TRERF1: variants seen among roughly 807,000 people sequenced by gnomAD.
The protein encoded by TRERF1 is transcriptional regulating factor 1.
A neutral mutation model predicts 122.9 loss-of-function variants in TRERF1; 27 were observed. That is an observed-to-expected ratio of 0.22 (90% CI 0.16 to 0.30). TRERF1 has a LOEUF of 0.30. Among genes scored for constraint, TRERF1 ranks in the 10% least tolerant of loss-of-function variants. The probability of loss-of-function intolerance (pLI) is 1.00; values close to 1 mark genes in which losing one functional copy is unlikely to be tolerated. For synonymous variants in TRERF1, 636 were observed against 641.7 expected (o/e 0.99, Z 0.13); for missense variants, 1,248 against 1,560.3 (o/e 0.80, Z 3.37).
At chr6:42,316,814 G>A (rs1451878549) in intron 3 of TRERF1, among the ~76,000 whole-genome samples, 1 of 152,106 alleles carries the variant, frequency 6.6e-6, no homozygotes, top group East Asian at 1.9e-4. Flanking sequence ...AGGATAACCA[G>A]CCATTCCCCT....
chr6:42,344,505 C>T (rs919321349), intron 3 of TRERF1, among the ~76,000 whole-genome samples: 1 of 152,142 alleles, frequency 6.6e-6, no homozygotes. Flanking sequence ...GCTTTGGAAA[C>T]TGTAATATGG....
chr6:42,409,711 C>T (rs1234890382), intron 2 of TRERF1, among the ~76,000 whole-genome samples: 1 of 152,124 alleles, frequency 6.6e-6, no homozygotes, highest in African/African-American at 2.4e-5. Context: ...TCTCTTTGTT[C>T]CTATATTGTT....
rs557589975 is a variant in TRERF1 at position 42,252,203 on chromosome 6, C to T, written c.2656+2648G>A. ...AGCCATTAGATCTGGGCAAGTTGCC[C>T]ACCACGTCGGCCCTTCCCCCATAGC... On this transcript the variant is annotated intron_variant, in intron 13 of 17. Coordinates refer to ENST00000372922, the Ensembl canonical transcript of TRERF1. Among the ~76,000 whole-genome samples, 8 of 152,374 alleles carry T rather than the reference C, an allele frequency of 5.3e-5. No homozygotes were observed. In the South Asian group the frequency reaches 8.3e-4, roughly 16 times the overall value.
intron 3 of TRERF1, among the ~76,000 whole-genome samples, chr6:42,345,494 A>T (rs1039097223): frequency 2.0e-5 from 3 of 152,244 alleles, no homozygotes; most frequent in Non-Finnish European, 2.9e-5. Context: ...ACACAGGCCT[A>T]GGACTCAGCA....
At chr6:42,255,915 G>A (rs1280513428) in intron 12 of TRERF1, among the ~76,000 whole-genome samples, 2 of 152,026 alleles carry the variant, frequency 1.3e-5, no homozygotes, top group Non-Finnish European at 2.9e-5. Flanking sequence ...AGGATCACCT[G>A]AGGTCAGGAG....
At chr6:42,233,114 A>G (rs113695211) in intron 16 of TRERF1, among the ~76,000 whole-genome samples, 186 bp from the exon 17 acceptor site, 43 of 152,084 alleles carry the variant, frequency 2.8e-4, no homozygotes, top group African/African-American at 9.9e-4. Context: ...CAATCAGAAG[A>G]GAAGAAGCGA....
At chr6:42,310,951 G>C (rs1271733876) in intron 3 of TRERF1, among the ~76,000 whole-genome samples, 1 of 152,190 alleles carries the variant, frequency 6.6e-6, no homozygotes, top group Non-Finnish European at 1.5e-5. Flanking sequence ...TTGATGTTTG[G>C]AATGTGTGAT....
chr6:42,380,947 C>T (rs527777364), intron 2 of TRERF1, among the ~76,000 whole-genome samples: 1 of 152,334 alleles, frequency 6.6e-6, no homozygotes, highest in East Asian at 1.9e-4. Flanking sequence ...AGAATGGAAA[C>T]ATCCATTTCC....
At chr6:42,359,655 C>T (rs551519592) in intron 3 of TRERF1, among the ~76,000 whole-genome samples, 5 of 152,138 alleles carry the variant, frequency 3.3e-5, no homozygotes, top group Non-Finnish European at 5.9e-5. Context: ...ACCTGGGAGG[C>T]GGAGGTTGCA....
Position 42,268,636 on chromosome 6 carries a change from C to T in TRERF1, c.955G>A (p.Gly319Ser), listed in dbSNP as rs752953030. The T allele has an allele frequency of 2.5e-6, 4 of 1,614,086 alleles. No individual in the cohort carries two copies. The highest frequency in any genetic ancestry group is 3.4e-6 in the Non-Finnish European group (4 of 1,179,996). Reference sequence around the variant, plus strand: ...TAATACTGAGGTATCTGCATTGAACCCTGCCGCTGCTGCAGCTGTAGCTGC... The same window carrying T: ...TAATACTGAGGTATCTGCATTGAACTCTGCCGCTGCTGCAGCTGTAGCTGC... The change falls in exon 5 of 18, where the codon GGT becomes AGT. Residue 319 changes from glycine (G) to serine (S), a missense_variant. Transcript: ENST00000372922. The surrounding 1 kb of genome is among the most constrained non-coding windows in gnomAD (Gnocchi z 4.4).
At chr6:42,329,947 C>T (rs1326317518) in intron 3 of TRERF1, among the ~76,000 whole-genome samples, 1 of 152,006 alleles carries the variant, frequency 6.6e-6, no homozygotes, top group East Asian at 1.9e-4. Context: ...CGAGATTGTA[C>T]CACTGCTCTC....
At chr6:42,394,076 C>T (rs1056652500) in intron 2 of TRERF1, among the ~76,000 whole-genome samples, 6 of 152,104 alleles carry the variant, frequency 3.9e-5, no homozygotes, top group African/African-American at 1.4e-4. Context: ...AGTAAACGGA[C>T]CAGATTTTTA....
At chr6:42,260,255 G>A (rs1449721122) in intron 8 of TRERF1, among the ~76,000 whole-genome samples, 4 of 151,890 alleles carry the variant, frequency 2.6e-5, no homozygotes, top group African/African-American at 9.7e-5. Flanking sequence ...TTCAGCAGGG[G>A]GGGAGAGCCT....
chr6:42,288,349 A>G (rs1783641796), intron 4 of TRERF1, among the ~76,000 whole-genome samples: 2 of 152,030 alleles, frequency 1.3e-5, no homozygotes, highest in South Asian at 4.1e-4. Flanking sequence ...TGGGCAGGTC[A>G]CCTGAGGTCA....
chr6:42,228,156 C>A lies in TRERF1; in HGVS notation c.*189G>T, dbSNP rs1769799099. The A allele has an allele frequency of 3.8e-6, 2 of 523,798 alleles. No individual in the cohort carries two copies. Among genetic ancestry groups the A allele is most frequent in the Non-Finnish European group, 6.5e-6 (2 of 309,734 alleles). 32.4% of individuals were successfully genotyped at this position (523,798 alleles called of 1,614,324 possible). A position where few individuals can be genotyped will look rare whatever the true frequency, so the allele number is the denominator to read the frequency against. On this transcript the variant is annotated 3_prime_UTR_variant, in exon 18 of 18. Coordinates refer to ENST00000372922, the Ensembl canonical transcript of TRERF1. The surrounding 1 kb of genome is among the most constrained non-coding windows in gnomAD (Gnocchi z 4.2). Reference sequence around the variant, plus strand: ...GTGCCAATTATTTATTCCCCCAACCCCCCACAAAAACAAATTTTTTTAAAT... The same window carrying A: ...GTGCCAATTATTTATTCCCCCAACCACCCACAAAAACAAATTTTTTTAAAT...
chr6:42,437,127 C>T (rs964996841), intron 2 of TRERF1, among the ~76,000 whole-genome samples: 2 of 152,014 alleles, frequency 1.3e-5, no homozygotes, highest in Non-Finnish European at 2.9e-5. Flanking sequence ...GATGTGACCA[C>T]CTCAGGAAAC....
At chr6:42,426,968 T>G (rs1195223350) in intron 2 of TRERF1, among the ~76,000 whole-genome samples, 2 of 152,020 alleles carry the variant, frequency 1.3e-5, no homozygotes, top group Non-Finnish European at 2.9e-5. Flanking sequence ...TTTATTTACT[T>G]CAATTAACCT....
intron 2 of TRERF1, among the ~76,000 whole-genome samples, chr6:42,427,025 C>T (rs954312156): frequency 1.3e-5 from 2 of 151,766 alleles, no homozygotes; most frequent in African/African-American, 2.4e-5. Context: ...CAGTGATTCA[C>T]GCCTATAATC....
chr6:42,271,857 T>G (rs1432327486), intron 4 of TRERF1, among the ~76,000 whole-genome samples: 1 of 152,086 alleles, frequency 6.6e-6, no homozygotes, highest in Non-Finnish European at 1.5e-5. Context: ...AGTGAAAAAG[T>G]TCCAAGCATA....
Sources: allele counts gnomAD v4.1 joint callset (sites outside exome capture counted in the v4.1 genomes callset), GRCh38; gene constraint gnomAD v4.1.1; non-coding constraint Gnocchi (gnomAD v3.1); transcripts MANE v1.5; gene names NCBI Gene and HGNC (gene_info 2026-07-23, HGNC 2026-07-21).